Variants in PHYKPL observed in about 807,000 individuals in gnomAD.
The protein encoded by PHYKPL is 5-phosphohydroxy-L-lysine phospho-lyase.
Under a neutral mutation model 51.3 loss-of-function variants are expected in PHYKPL, and 42 were observed. The ratio of observed to expected loss-of-function variants is 0.82; its 90% CI spans 0.64 to 1.06. The LOEUF is 1.06. Ranked by LOEUF, PHYKPL falls within the 50% of genes least tolerant of loss-of-function variation. The pLI, the probability that PHYKPL is intolerant of heterozygous loss-of-function variation, is 0.00. For missense variants in PHYKPL, 655 were observed against 586.6 expected (o/e 1.12, Z -1.20); for synonymous variants, 264 against 236.0 (o/e 1.12, Z -1.09).
chr5:178,231,591 G>A (rs921010792), intron 1 of PHYKPL, 68 bp from the exon 2 acceptor site: 2 of 1,610,908 alleles, frequency 1.2e-6, no homozygotes, highest in African/African-American at 2.7e-5. Flanking sequence ...ACTCATCGCA[G>A]ACCCCCGCCC....
Position 178,230,016 on chromosome 5 carries a change from TGTC to T in PHYKPL, c.259_261del (p.Asp87del). ...AGCCTCTGCGCATAGTCCACGATGT[TGTC>T]ATGCAGGTACCGGCTGTTGGTGTTG... is the stretch of plus-strand genomic sequence containing the variant. On this transcript the variant is annotated inframe_deletion, in exon 3 of 13. Transcript: ENST00000308158. 4 of 1,614,224 alleles carry T rather than the reference TGTC, an allele frequency of 2.5e-6. No individual in the cohort carries two copies. Among genetic ancestry groups the T allele is most frequent in the African/African-American group, 1.3e-5 (1 of 75,062 alleles).
rs187097238 is a variant in PHYKPL at position 178,224,873 on chromosome 5, A to G, written c.414-144T>C. ...CCCCCAAGTTCTTGGGCTGGGAAAG[A>G]GCACAAGCTTTGGAGTCAGCAACAA... On this transcript the variant is annotated intron_variant, in intron 4 of 12. Coordinates refer to ENST00000308158, the MANE Select transcript of PHYKPL (RefSeq NM_153373.4). 1.2e-4 allele frequency: 77 copies of G among 635,626 alleles called. No homozygotes were observed. In the East Asian group the frequency reaches 2.1e-3, roughly 18 times the overall value. 39.4% of individuals were successfully genotyped at this position (635,626 alleles called of 1,614,324 possible). A position where few individuals can be genotyped will look rare whatever the true frequency, so the allele number is the denominator to read the frequency against.
chr5:178,223,983 G>A (rs538632932), intron 6 of PHYKPL: 270 of 185,194 alleles, frequency 1.5e-3, no homozygotes, highest in African/African-American at 6.0e-3. Context: ...AGGTCTTAGC[G>A]CTCTCCTGCT....
intron 8 of PHYKPL, among the ~76,000 whole-genome samples, chr5:178,220,587 C>G (rs1252130464): frequency 1.3e-5 from 2 of 152,080 alleles, no homozygotes; most frequent in Non-Finnish European, 2.9e-5. Flanking sequence ...ATGTCATTAT[C>G]TTTTAAAATG....
intron 10 of PHYKPL, among the ~76,000 whole-genome samples, chr5:178,213,983 A>G (rs1034360505): frequency 6.6e-6 from 1 of 152,134 alleles, no homozygotes; most frequent in African/African-American, 2.4e-5. Flanking sequence ...GTTTCCTTCC[A>G]TGCCACCTGA....
intron 12 of PHYKPL, among the ~76,000 whole-genome samples, chr5:178,209,871 G>A (rs1757648735): frequency 6.6e-6 from 1 of 152,130 alleles, no homozygotes; most frequent in Non-Finnish European, 1.5e-5. Flanking sequence ...CAAGGAGAGT[G>A]GGAGTGATCA....
intron 8 of PHYKPL, among the ~76,000 whole-genome samples, chr5:178,218,521 CT>C (rs1230585036): frequency 6.6e-6 from 1 of 152,140 alleles, no homozygotes; most frequent in East Asian, 1.9e-4. Context: ...CCAGGGAGTG[CT>C]CACCCTTTCG....
chr5:178,231,629 G>A, intron 1 of PHYKPL, 106 bp from the exon 2 acceptor site: 3 of 1,607,410 alleles, frequency 1.9e-6, no homozygotes, highest in Non-Finnish European at 2.6e-6. Context: ...GGTGGCGGGG[G>A]GGAAATGAGA....
intron 3 of PHYKPL, 150 bp from the exon 4 acceptor site, chr5:178,225,579 A>G: frequency 1.4e-6 from 1 of 693,994 alleles, no homozygotes; most frequent in Non-Finnish European, 2.5e-6. Context: ...TATATATCAA[A>G]TGCCTCCTAT....
chr5:178,215,265 C>T lies in PHYKPL; in HGVS notation c.1082+11G>A, dbSNP rs758541410. On this transcript the variant is annotated intron_variant, in intron 9 of 12. Coordinates refer to ENST00000308158, the MANE Select transcript of PHYKPL (RefSeq NM_153373.4). ...GCAGGTGGGTGGTGACTGCTGCCCCCAGAGCCTCACCTGACATCCCCGACG... is the reference window on the plus strand; with the variant it reads ...GCAGGTGGGTGGTGACTGCTGCCCCTAGAGCCTCACCTGACATCCCCGACG... The T allele has an allele frequency of 6.2e-7, 1 of 1,613,924 alleles. No homozygotes were observed. Among genetic ancestry groups the T allele is most frequent in the Non-Finnish European group, 8.5e-7 (1 of 1,179,938 alleles).
intron 3 of PHYKPL, chr5:178,228,516 T>TTGGA (rs1762729074): frequency 8.5e-6 from 6 of 702,240 alleles, no homozygotes; most frequent in Non-Finnish European, 1.6e-5. Context: ...TCCCTTCTCT[T>TTGGA]TCCAGAGGCT....
At chr5:178,210,423 G>A (rs2113629059) in intron 12 of PHYKPL, 2 of 1,529,942 alleles carry the variant, frequency 1.3e-6, no homozygotes, top group Non-Finnish European at 1.8e-6. Context: ...AGACTTCGGG[G>A]TCTTAATAAC....
At chr5:178,219,489 G>A (rs1038267829) in intron 8 of PHYKPL, among the ~76,000 whole-genome samples, 1 of 147,602 alleles carries the variant, frequency 6.8e-6, no homozygotes, top group South Asian at 2.1e-4. Flanking sequence ...AGTCTCTGTC[G>A]CCCAGGCTGG....
At chr5:178,213,738 A>T (rs1167109561) in intron 10 of PHYKPL, among the ~76,000 whole-genome samples, 1 of 151,804 alleles carries the variant, frequency 6.6e-6, no homozygotes, top group Non-Finnish European at 1.5e-5. Flanking sequence ...TGTTATTTTT[A>T]TTTCTTGGGG....
At chr5:178,221,311 AG>A (rs920887363) in intron 8 of PHYKPL, among the ~76,000 whole-genome samples, 1 of 152,084 alleles carries the variant, frequency 6.6e-6, no homozygotes, top group African/African-American at 2.4e-5. Flanking sequence ...TTCCAGACTG[AG>A]ATCTGGTCTT....
In PHYKPL at chr5:178,223,989, C is replaced by T. The variant is rs73804742; in HGVS notation, c.618+459G>A. ...CCCGGCCCCAGGTCTTAGCGCTCTC[C>T]TGCTTAAGACTCTGGTGGTTCCCGG... On this transcript the variant is annotated intron_variant, in intron 6 of 12. Coordinates refer to ENST00000308158, the MANE Select transcript of PHYKPL (RefSeq NM_153373.4). 797 of 181,576 alleles carry T rather than the reference C, an allele frequency of 4.4e-3. 8 individuals carry two copies. Among genetic ancestry groups the T allele is most frequent in the African/African-American group, 0.018 (738 of 42,024 alleles). The allele number at this position is 181,576 out of a possible 1,614,324, so 11.2% of individuals were successfully genotyped here.
At chr5:178,223,205 CCT>C (rs1209538797) in intron 6 of PHYKPL, 2 of 460,956 alleles carry the variant, frequency 4.3e-6, no homozygotes, top group Admixed American at 3.1e-5. Flanking sequence ...CAGTTCCTTC[CCT>C]GTCCCCCATT....
chr5:178,229,339 C>G (rs929192408), intron 3 of PHYKPL, among the ~76,000 whole-genome samples: 3 of 152,070 alleles, frequency 2.0e-5, no homozygotes, highest in African/African-American at 4.8e-5. Flanking sequence ...AACTCCCGAC[C>G]TCAGGTGATC....
At chr5:178,208,342 T>C (rs1757203457), downstream of PHYKPL, among the ~76,000 whole-genome samples, 1 of 152,102 alleles carries the variant, frequency 6.6e-6, no homozygotes, top group Non-Finnish European at 1.5e-5. Flanking sequence ...TGACAGTCTT[T>C]GAGGCAGTTA....
Sources: gnomAD v4.1 joint callset for allele counts (sites outside exome capture counted in the v4.1 genomes callset) on GRCh38, gnomAD v4.1.1 for gene constraint, MANE v1.5 for transcripts, NCBI Gene and HGNC (gene_info 2026-07-23, HGNC 2026-07-21) for gene names.